The following GSE1 variants were observed in gnomAD, a reference collection of about 807,000 sequenced individuals.
The protein encoded by GSE1 is genetic suppressor element 1.
Under a neutral mutation model 112.6 loss-of-function variants are expected in GSE1, and 32 were observed. The ratio of observed to expected loss-of-function variants is 0.28; its 90% CI spans 0.21 to 0.38. The LOEUF is 0.38. Ranked by LOEUF, GSE1 falls within the 10% of genes least tolerant of loss-of-function variation. The pLI is 1.00. For synonymous variants in GSE1, 1,115 were observed against 735.6 expected, an observed-to-expected ratio of 1.52 and a Z score of -8.35; for missense variants, 2,348 against 1,699.2, an observed-to-expected ratio of 1.38 and a Z score of -6.71.
intron 2 of GSE1, among the ~76,000 whole-genome samples, chr16:85,395,437 G>A (rs1028579376): frequency 2.6e-5 from 4 of 152,140 alleles, no homozygotes; most frequent in African/African-American, 9.7e-5. Context: ...CCCGACAATG[G>A]GTCCAGGCTG....
chr16:85,412,964 C>T (rs1442547086), intron 2 of GSE1, among the ~76,000 whole-genome samples: 7 of 152,202 alleles, frequency 4.6e-5, no homozygotes, highest in African/African-American at 1.7e-4. Flanking sequence ...GCCATCGGCC[C>T]GGGTGCCTGT....
At chr16:85,180,962 T>C (rs1413674873) in intron 1 of GSE1, among the ~76,000 whole-genome samples, 1 of 152,256 alleles carries the variant, frequency 6.6e-6, no homozygotes, top group Non-Finnish European at 1.5e-5. Flanking sequence ...GCCAATGTAT[T>C]ATACTGTGGG....
intron 2 of GSE1, among the ~76,000 whole-genome samples, chr16:85,513,495 G>A (rs923140310): frequency 1.3e-5 from 2 of 151,978 alleles, no homozygotes; most frequent in Non-Finnish European, 2.9e-5. Context: ...CCCCCTCACC[G>A]CTCACGCACC....
At chr16:85,319,181 G>C (rs2046047140) in intron 1 of GSE1, among the ~76,000 whole-genome samples, 1 of 152,188 alleles carries the variant, frequency 6.6e-6, no homozygotes, top group Admixed American at 6.5e-5. Flanking sequence ...GTAGATTGAG[G>C]GTCTCAGAGC....
At chr16:85,501,117 C>T (rs1334650280) in intron 2 of GSE1, among the ~76,000 whole-genome samples, 1 of 149,498 alleles carries the variant, frequency 6.7e-6, no homozygotes, top group African/African-American at 2.5e-5. Flanking sequence ...TCTCCTGCCT[C>T]AGCCTCCCGA....
chr16:85,225,682 G>A (rs2075473147), intron 1 of GSE1, among the ~76,000 whole-genome samples: 1 of 152,196 alleles, frequency 6.6e-6, no homozygotes, highest in South Asian at 2.1e-4. Flanking sequence ...ACACCACTCT[G>A]TTTCACTGCA....
chr16:85,500,012 C>G (rs2051308405), intron 2 of GSE1, among the ~76,000 whole-genome samples: 1 of 152,204 alleles, frequency 6.6e-6, no homozygotes, highest in South Asian at 2.1e-4. Flanking sequence ...AACAGACACA[C>G]AAGTGGGAGA....
exon 2 of GSE1, chr16:85,357,553 C>G: frequency 7.8e-7 from 1 of 1,287,550 alleles, no homozygotes; most frequent in Non-Finnish European, 1.0e-6. Context: ...GGAGACCCTG[C>G]CCAGAGGCCC....
intron 1 of GSE1, among the ~76,000 whole-genome samples, chr16:85,267,420 G>A (rs576448028): frequency 6.6e-6 from 1 of 152,134 alleles, no homozygotes; most frequent in South Asian, 2.1e-4. Flanking sequence ...AGGATACCTG[G>A]CATGGAGGGG....
chr16:85,556,837 C>T (rs2045250086), intron 1 of GSE1, among the ~76,000 whole-genome samples: 1 of 150,278 alleles, frequency 6.7e-6, no homozygotes, highest in Non-Finnish European at 1.5e-5. Flanking sequence ...GGCTCGCCGG[C>T]CCCCCCGCCG....
intron 1 of GSE1, among the ~76,000 whole-genome samples, chr16:85,309,130 C>G (rs553118040): frequency 2.0e-5 from 3 of 151,742 alleles, no homozygotes; most frequent in South Asian, 2.1e-4. Flanking sequence ...TAGCGAAGCT[C>G]TCGACCCAGG....
At chr16:85,449,410 G>A (rs762392488) in intron 2 of GSE1, among the ~76,000 whole-genome samples, 13 of 152,370 alleles carry the variant, frequency 8.5e-5, no homozygotes, top group Non-Finnish European at 1.8e-4. Flanking sequence ...GGCCGAGGCC[G>A]CATGGGGGGC....
intron 1 of GSE1, among the ~76,000 whole-genome samples, chr16:85,333,659 C>T (rs577878386): frequency 1.3e-5 from 2 of 152,334 alleles, no homozygotes; most frequent in African/African-American, 2.4e-5. Context: ...GGCTGGGTTA[C>T]AGGAGAGCAA....
intron 1 of GSE1, among the ~76,000 whole-genome samples, chr16:85,224,779 G>C (rs1300122591): frequency 6.6e-6 from 1 of 151,756 alleles, no homozygotes; most frequent in Non-Finnish European, 1.5e-5. Context: ...CATGAGGTCA[G>C]GAGTTCGAGA....
At chr16:85,332,135 C>T (rs919451345) in intron 1 of GSE1, among the ~76,000 whole-genome samples, 2 of 152,158 alleles carry the variant, frequency 1.3e-5, no homozygotes, top group Non-Finnish European at 2.9e-5. Flanking sequence ...GACTCCCAGT[C>T]ACACCCAAGC....
intron 1 of GSE1, among the ~76,000 whole-genome samples, chr16:85,559,654 C>G (rs774641238): frequency 3.5e-4 from 12 of 34,424 alleles, no homozygotes; most frequent in Non-Finnish European, 6.4e-4. Flanking sequence ...TGAAGTCAGG[C>G]TCTGCCTCTC....
chr16:85,466,051 C>A (rs1029899899), intron 2 of GSE1, among the ~76,000 whole-genome samples: 1 of 152,240 alleles, frequency 6.6e-6, no homozygotes. Flanking sequence ...AAGAGCTTAG[C>A]TTTTCCTTTG....
chr16:85,352,863 G>T (rs2151563170), intron 1 of GSE1, among the ~76,000 whole-genome samples: 1 of 152,328 alleles, frequency 6.6e-6, no homozygotes, highest in Admixed American at 6.5e-5. Context: ...AGTCATGGTA[G>T]TGGGAAGAGC....
At chr16:85,272,328 G>A (rs750728364) in intron 1 of GSE1, among the ~76,000 whole-genome samples, 16 of 152,204 alleles carry the variant, frequency 1.1e-4, no homozygotes, top group Non-Finnish European at 2.1e-4. Flanking sequence ...CAGAGGTGTC[G>A]GGGCCTTTGC....
Sources: allele counts gnomAD v4.1 joint callset (sites outside exome capture counted in the v4.1 genomes callset), GRCh38; gene constraint gnomAD v4.1.1; transcripts MANE v1.5; gene names NCBI Gene and HGNC (gene_info 2026-07-23, HGNC 2026-07-21).